The following CAMK1 variants were observed in gnomAD, a reference collection of about 807,000 sequenced individuals.
CAMK1 encodes the protein calcium/calmodulin-dependent protein kinase type 1.
CAMK1 carries 39 observed loss-of-function variants against 49.1 expected under a neutral mutation model. The observed-to-expected ratio is 0.79, with a 90% CI of 0.62 to 1.04. The LOEUF is 1.04. Ranked by LOEUF, CAMK1 falls within the 50% of genes least tolerant of loss-of-function variation. The pLI is 0.00. For synonymous variants in CAMK1, 192 were observed against 185.2 expected, an observed-to-expected ratio of 1.04 and a Z score of -0.30; for missense variants, 457 against 472.2, an observed-to-expected ratio of 0.97 and a Z score of 0.30.
intron 5 of CAMK1, among the ~76,000 whole-genome samples, chr3:9,762,668 T>A (rs886311716): frequency 9.6e-5 from 14 of 145,852 alleles, no homozygotes; most frequent in African/African-American, 3.5e-4. Context: ...TCTGGCCAGA[T>A]TTTTTTTTTT....
chr3:9,761,048 C>T (rs930090373), intron 7 of CAMK1: 2 of 423,218 alleles, frequency 4.7e-6, no homozygotes, highest in African/African-American at 2.0e-5. Context: ...CCTCACCACT[C>T]GGTCATCACC....
Position 9,760,728 on chromosome 3 carries a change from T to G in CAMK1, c.673A>C (p.Lys225Gln). The stretch of plus-strand genomic sequence containing the variant: ...GCCTTCAAAATCTGTTCAAAGAGTT[T>G]GGCATCATTCTCGTCATAGAAGGGA... ...YPPFYDENDA[K>Q]LFEQILKAEY... Residue 225 changes from lysine (K) to glutamine (Q), a missense_variant, in exon 8 of 12, where the codon AAA becomes CAA. Physicochemically the swap from Lys to Gln is moderately conservative, Grantham distance 53. Coordinates refer to ENST00000256460, the MANE Select transcript of CAMK1 (RefSeq NM_003656.5). 1 of 1,614,070 alleles carries G rather than the reference T, an allele frequency of 6.2e-7. No individual in the cohort carries two copies. Among genetic ancestry groups the G allele is most frequent in the South Asian group, 1.1e-5 (1 of 91,088 alleles).
chr3:9,759,336 TGAAA>T (rs778632031), intron 10 of CAMK1, 148 bp downstream of exon 10: 51 of 1,564,174 alleles, frequency 3.3e-5, no homozygotes, highest in Non-Finnish European at 4.3e-5. Context: ...GTTTGTTGAA[TGAAA>T]GAGTGAATGA....
intron 7 of CAMK1, 94 bp from the exon 8 acceptor site, chr3:9,760,862 C>A (rs1327597098): frequency 6.4e-7 from 1 of 1,561,024 alleles, no homozygotes; most frequent in Non-Finnish European, 8.7e-7. Flanking sequence ...AGGCAGGAGC[C>A]ATGGAAGGAG....
rs1326767695 is a variant in CAMK1, at chr3:9,757,721, C to T, written c.1030+8G>A. On this transcript the variant is annotated splice_region_variant and intron_variant, in intron 11 of 11. Transcript: ENST00000256460. This position sits in a 1 kb window ranked among gnomAD's most constrained non-coding sequence, Gnocchi z 4.5. ...CACCCATGCCCTTCTGCAGAGCCCGCTCCTCACCCCCAGCCACTGGTGTCA... is the reference window on the plus strand; with the variant it reads ...CACCCATGCCCTTCTGCAGAGCCCGTTCCTCACCCCCAGCCACTGGTGTCA... 3.1e-6 allele frequency: 5 copies of T among 1,614,042 alleles called. No homozygotes were observed. The highest frequency in any genetic ancestry group is 4.2e-6 in the Non-Finnish European group (5 of 1,180,022).
At chr3:9,765,659 C>CTT (rs910495587) in intron 3 of CAMK1, 100 bp downstream of exon 3, 8 of 1,385,804 alleles carry the variant, frequency 5.8e-6, no homozygotes, top group Non-Finnish European at 8.0e-6. Context: ...CAATTTAAGG[C>CTT]TTAGAGAGTT....
chr3:9,767,078 T>G (rs1189057218), intron 2 of CAMK1, among the ~76,000 whole-genome samples: 2 of 152,198 alleles, frequency 1.3e-5, no homozygotes, highest in Non-Finnish European at 1.5e-5. Context: ...TTTATGCTAT[T>G]CCTTCTGCCT....
At chr3:9,768,703 A>G (rs1487890718) in intron 1 of CAMK1, among the ~76,000 whole-genome samples, 3 of 152,196 alleles carry the variant, frequency 2.0e-5, no homozygotes, top group African/African-American at 4.8e-5. Context: ...CCATCCACAG[A>G]TGAGGCCAAA....
intron 10 of CAMK1, 173 bp from the exon 11 acceptor site, chr3:9,758,019 TAC>T (rs148476977): frequency 1.7e-4 from 158 of 946,164 alleles, no homozygotes; most frequent in South Asian, 4.7e-4. Flanking sequence ...ATTATATATT[TAC>T]ACACACACAC....
intron 10 of CAMK1, chr3:9,758,918 C>G (rs755828317): frequency 1.6e-4 from 68 of 421,918 alleles, no homozygotes; most frequent in Non-Finnish European, 2.7e-4. Context: ...GCGTGAGCCA[C>G]CATGCCTGGC....
At chr3:9,761,418 A>G (rs753298816) in intron 7 of CAMK1, 43 bp downstream of exon 7, 1 of 1,572,126 alleles carries the variant, frequency 6.4e-7, no homozygotes, top group South Asian at 1.2e-5. Flanking sequence ...AGGCGAGAGG[A>G]CAACTCTGGA....
At chr3:9,764,192 A>C (rs2078028029) in intron 3 of CAMK1, among the ~76,000 whole-genome samples, 1 of 152,212 alleles carries the variant, frequency 6.6e-6, no homozygotes, top group Non-Finnish European at 1.5e-5. Context: ...TACTTCCCTC[A>C]AAGAGTTGGA....
At position 9,759,103 on chromosome 3, in the gene CAMK1, C is replaced by G. The variant is rs1321798576; in HGVS notation, c.912+385G>C. ...TCTCAGTCCCCTCAGCCCCTCCAGT[C>G]TGGCCAGGCTTAGCACTTGCACTTC... On this transcript the variant is annotated intron_variant, in intron 10 of 11. Coordinates refer to ENST00000256460, the MANE Select transcript of CAMK1 (RefSeq NM_003656.5). 2.6e-6 allele frequency: 3 copies of G among 1,138,608 alleles called. No individual in the cohort carries two copies. The African/African-American group carries it at 4.6e-5, about 17-fold the overall frequency. 70.5% of individuals were successfully genotyped at this position (1,138,608 alleles called of 1,614,324 possible).
intron 7 of CAMK1, chr3:9,761,042 A>G (rs1167194572): frequency 2.3e-6 from 1 of 429,234 alleles, no homozygotes; most frequent in Non-Finnish European, 4.2e-6. Flanking sequence ...TGGCTCCCTC[A>G]CCACTCGGTC....
In CAMK1 at chr3:9,759,251, C is replaced by T. The variant is rs2077732920; in HGVS notation, c.912+237G>A. 1.9e-6 allele frequency: 3 copies of T among 1,614,122 alleles called. No individual in the cohort carries two copies. The East Asian group carries it at 6.7e-5, about 36-fold the overall frequency. On this transcript the variant is annotated intron_variant, in intron 10 of 11. Transcript: ENST00000256460. The stretch of plus-strand genomic sequence containing the variant: ...CCCCATAGGCTGGATCAGATGCCTC[C>T]TGAAGAATTACAGACTTCTTCCTCT...
Position 9,759,732 on chromosome 3 carries a change from T to G in CAMK1, c.764A>C (p.His255Pro), listed in dbSNP as rs1442149355. ...TTTCTCTGGGTCCTTCTCCATCAAG[T>G]GCCGGATGAAATCTTTGGCTAAACC... ...ISDSAKDFIR[H>P]LMEKDPEKRF... The change falls in exon 9 of 12, where the codon CAC becomes CCC. Residue 255 changes from histidine to proline, a missense_variant. Transcript: ENST00000256460. 6.2e-7 allele frequency: 1 copy of G among 1,614,138 alleles called. No homozygotes were observed. The highest frequency in any genetic ancestry group is 1.7e-5 in the Admixed American group (1 of 60,010).
At chr3:9,765,629 A>T in intron 3 of CAMK1, 130 bp downstream of exon 3, 1 of 1,073,194 alleles carries the variant, frequency 9.3e-7, no homozygotes, top group Non-Finnish European at 1.4e-6. Flanking sequence ...GGAAATTGTG[A>T]TCCCCATTTT....
intron 8 of CAMK1, chr3:9,760,430 G>T (rs905985178): frequency 2.0e-6 from 1 of 488,204 alleles, no homozygotes; most frequent in Admixed American, 3.3e-5. Context: ...AATAGACTAT[G>T]TTTGAAGATT....
intron 5 of CAMK1, chr3:9,762,240 G>C (rs2077911720): frequency 6.5e-6 from 1 of 154,832 alleles, no homozygotes; most frequent in African/African-American, 2.4e-5. Flanking sequence ...GAGATGTACT[G>C]CTAAATGTGA....
Sources: allele counts gnomAD v4.1 joint callset (sites outside exome capture counted in the v4.1 genomes callset), GRCh38; gene constraint gnomAD v4.1.1; non-coding constraint Gnocchi (gnomAD v3.1); transcripts MANE v1.5; gene names NCBI Gene and HGNC (gene_info 2026-07-23, HGNC 2026-07-21).